Variants in SLC9A9 observed in about 807,000 individuals in gnomAD.
SLC9A9 encodes sodium/hydrogen exchanger 9.
SLC9A9 carries 62 observed loss-of-function variants against 77.8 expected under a neutral mutation model. The ratio of observed to expected loss-of-function variants is 0.80; its 90% confidence interval spans 0.65 to 0.98. The LOEUF is 0.98. SLC9A9 is among the 50% of genes least tolerant of loss of function. The pLI is 0.00. For synonymous variants in SLC9A9, 320 were observed against 283.5 expected, an observed-to-expected ratio of 1.13 and a Z score of -1.29; for missense variants, 775 against 774.9, an observed-to-expected ratio of 1.00 and a Z score of 0.00.
At chr3:143,314,901 G>C (rs773946946) in intron 14 of SLC9A9, among the ~76,000 whole-genome samples, 1 of 152,194 alleles carries the variant, frequency 6.6e-6, no homozygotes, top group Non-Finnish European at 1.5e-5. Flanking sequence ...CTTAGAATTG[G>C]TCCATCACTG....
chr3:143,406,536 T>C (rs922004949), intron 12 of SLC9A9, among the ~76,000 whole-genome samples: 1 of 152,028 alleles, frequency 6.6e-6, no homozygotes, highest in Non-Finnish European at 1.5e-5. Context: ...TGCCTTTGTA[T>C]TTTTAGTAAA....
At chr3:143,528,186 C>A (rs1248289541) in intron 9 of SLC9A9, among the ~76,000 whole-genome samples, 1 of 152,184 alleles carries the variant, frequency 6.6e-6, no homozygotes, top group Middle Eastern at 3.2e-3. Flanking sequence ...CTGTGTTCAG[C>A]TTTTTGCTCC....
intron 2 of SLC9A9, among the ~76,000 whole-genome samples, chr3:143,812,290 A>AAT (rs771479664): frequency 5.9e-5 from 9 of 152,270 alleles, no homozygotes; most frequent in Non-Finnish European, 1.2e-4. Context: ...TGTGTGGAAT[A>AAT]ATATAATTAC....
chr3:143,801,616 C>T (rs2008562796), intron 2 of SLC9A9, among the ~76,000 whole-genome samples: 1 of 152,168 alleles, frequency 6.6e-6, no homozygotes, highest in South Asian at 2.1e-4. Context: ...TTCCTTCTTT[C>T]CTGTTCCTCA....
intron 4 of SLC9A9, among the ~76,000 whole-genome samples, chr3:143,733,395 T>A (rs1166152427): frequency 6.6e-6 from 1 of 151,974 alleles, no homozygotes; most frequent in Non-Finnish European, 1.5e-5. Context: ...TACATATTGG[T>A]GTGTCCCTGG....
chr3:143,569,861 T>G (rs980199588), intron 8 of SLC9A9, among the ~76,000 whole-genome samples: 2 of 149,798 alleles, frequency 1.3e-5, no homozygotes, highest in African/African-American at 4.9e-5. Context: ...TTGCCCAGAA[T>G]AGAATGCAGT....
At chr3:143,542,348 T>C (rs888341444) in intron 9 of SLC9A9, among the ~76,000 whole-genome samples, 25 of 152,174 alleles carry the variant, frequency 1.6e-4, no homozygotes, top group African/African-American at 5.8e-4. Context: ...AAAAGAAATG[T>C]AATTAGAGTA....
intron 14 of SLC9A9, among the ~76,000 whole-genome samples, chr3:143,340,080 A>C (rs954347431): frequency 4.6e-5 from 7 of 152,218 alleles, no homozygotes; most frequent in Non-Finnish European, 7.3e-5. Flanking sequence ...ACGGTTGATT[A>C]AACTGATGTT....
At chr3:143,440,033 T>C (rs2034699292) in intron 12 of SLC9A9, among the ~76,000 whole-genome samples, 1 of 152,250 alleles carries the variant, frequency 6.6e-6, no homozygotes, top group Non-Finnish European at 1.5e-5. Context: ...AACCAATGCA[T>C]ACTACATTGT....
chr3:143,487,161 A>C (rs572257706), intron 11 of SLC9A9, among the ~76,000 whole-genome samples: 2 of 152,024 alleles, frequency 1.3e-5, no homozygotes, highest in South Asian at 4.1e-4. Context: ...TTTTAAGTTA[A>C]AAACATTTAC....
At chr3:143,775,758 A>T (rs2007668283) in intron 4 of SLC9A9, among the ~76,000 whole-genome samples, 1 of 152,054 alleles carries the variant, frequency 6.6e-6, no homozygotes, top group African/African-American at 2.4e-5. Flanking sequence ...GGTGTGCTTG[A>T]CTCTGAAATC....
intron 5 of SLC9A9, among the ~76,000 whole-genome samples, chr3:143,652,614 C>T (rs1349324941): frequency 6.6e-6 from 1 of 152,092 alleles, no homozygotes; most frequent in Non-Finnish European, 1.5e-5. Context: ...CTTCTAGCCT[C>T]ATCTCCCTCT....
intron 6 of SLC9A9, among the ~76,000 whole-genome samples, chr3:143,629,667 T>C (rs1392951191): frequency 6.6e-6 from 1 of 151,902 alleles, no homozygotes; most frequent in East Asian, 1.9e-4. Flanking sequence ...GCCAAGACAC[T>C]CCATTTAAAT....
At chr3:143,466,643 A>C (rs1282109981) in intron 12 of SLC9A9, among the ~76,000 whole-genome samples, 1 of 152,216 alleles carries the variant, frequency 6.6e-6, no homozygotes, top group East Asian at 1.9e-4. Flanking sequence ...AAAACAATAA[A>C]TTCACTTTAT....
intron 5 of SLC9A9, among the ~76,000 whole-genome samples, chr3:143,661,443 G>A (rs1029525320): frequency 5.3e-5 from 8 of 152,090 alleles, no homozygotes; most frequent in African/African-American, 1.7e-4. Flanking sequence ...CACACTGCTC[G>A]ACCCCACTGT....
At chr3:143,424,423 G>A (rs1279225623) in intron 12 of SLC9A9, among the ~76,000 whole-genome samples, 1 of 151,782 alleles carries the variant, frequency 6.6e-6, no homozygotes, top group East Asian at 1.9e-4. Flanking sequence ...GACTACAGGC[G>A]CCCACCACCA....
Position 143,693,235 on chromosome 3 carries a change from A to G in SLC9A9, c.606T>C (p.Thr202=). 3 of 1,613,404 alleles carry G rather than the reference A, an allele frequency of 1.9e-6. No individual in the cohort carries two copies. Among genetic ancestry groups the G allele is most frequent in the East Asian group, 2.2e-5 (1 of 44,856 alleles). ...TCAGTGAACCAAAAAATAAACAGTC[A>G]GTGAAATGAAAGTCTCCATTTTTCA... is the stretch of plus-strand genomic sequence containing the variant. The part of the protein sequence containing the change: ...GQLKNGDFHF[T]DCLFFGSLMS... The change falls in exon 5 of 16, where the codon ACT becomes ACC. Residue 202 remains threonine, a synonymous_variant. Transcript: ENST00000316549.
At chr3:143,560,840 A>G (rs370756339) in intron 8 of SLC9A9, among the ~76,000 whole-genome samples, 9 of 152,358 alleles carry the variant, frequency 5.9e-5, no homozygotes, top group African/African-American at 1.9e-4. Context: ...AGCATAGGCT[A>G]AATAAATGTA....
At chr3:143,466,635 A>G (rs557393855) in intron 12 of SLC9A9, among the ~76,000 whole-genome samples, 2 of 152,340 alleles carry the variant, frequency 1.3e-5, no homozygotes, top group African/African-American at 4.8e-5. Flanking sequence ...GGAATTAAAA[A>G]ACAATAAATT....
Sources: allele counts gnomAD v4.1 joint callset (sites outside exome capture counted in the v4.1 genomes callset), GRCh38; gene constraint gnomAD v4.1.1; transcripts MANE v1.5; gene names NCBI Gene and HGNC (gene_info 2026-07-23, HGNC 2026-07-21).